Variants in LRP1B observed in about 807,000 individuals in gnomAD.
The protein encoded by LRP1B is low-density lipoprotein receptor-related protein 1B.
In LRP1B, 217 loss-of-function variants were observed where a neutral mutation model predicts 556.6. The observed-to-expected ratio is 0.39, with a 90% CI of 0.35 to 0.44. The LOEUF is 0.44. Ranked by LOEUF, LRP1B falls within the 20% of genes least tolerant of loss-of-function variation. The pLI is 1.00. For synonymous variants in LRP1B, 2,047 were observed against 1,865.8 expected (o/e 1.10, Z -2.50); for missense variants, 5,053 against 5,620.8 (o/e 0.90, Z 3.23).
intron 1 of LRP1B, among the ~76,000 whole-genome samples, chr2:141,972,750 T>C (rs1295222611): frequency 6.6e-6 from 1 of 151,678 alleles, no homozygotes; most frequent in Non-Finnish European, 1.5e-5. Context: ...TAATAGGAAA[T>C]TGAATCCTAG....
chr2:141,119,569 C>G (rs1282946882), intron 7 of LRP1B, among the ~76,000 whole-genome samples: 1 of 151,750 alleles, frequency 6.6e-6, no homozygotes, highest in Non-Finnish European at 1.5e-5. Context: ...CTATCATGGT[C>G]TCAAGATTAC....
chr2:140,992,690 T>C (rs1225779791), intron 16 of LRP1B: 3 of 152,088 alleles, frequency 2.0e-5, no homozygotes, highest in Non-Finnish European at 4.4e-5. Flanking sequence ...CAGTTCTGAT[T>C]GTGAGTCAAG....
At chr2:141,346,557 T>A (rs1157945768) in intron 3 of LRP1B, among the ~76,000 whole-genome samples, 1 of 152,114 alleles carries the variant, frequency 6.6e-6, no homozygotes, top group African/African-American at 2.4e-5. Context: ...TGTCTTACTC[T>A]CCCTGTTTCA....
At chr2:141,568,474 C>A (rs1686413241) in intron 2 of LRP1B, among the ~76,000 whole-genome samples, 1 of 150,948 alleles carries the variant, frequency 6.6e-6, no homozygotes, top group South Asian at 2.1e-4. Context: ...GCCACAAAGA[C>A]AACCACCCAA....
At chr2:142,055,156 C>T (rs1704620598) in intron 1 of LRP1B, among the ~76,000 whole-genome samples, 1 of 151,724 alleles carries the variant, frequency 6.6e-6, no homozygotes, top group African/African-American at 2.4e-5. Context: ...GGTCTAGAGG[C>T]AAACAGAGGA....
chr2:140,711,554 T>C (rs1384021589), intron 37 of LRP1B, among the ~76,000 whole-genome samples: 1 of 149,838 alleles, frequency 6.7e-6, no homozygotes, highest in Non-Finnish European at 1.5e-5. Flanking sequence ...TGGTACATGT[T>C]TTCTTTTTCT....
intron 1 of LRP1B, among the ~76,000 whole-genome samples, chr2:141,888,519 A>C (rs1287480796): frequency 6.6e-6 from 1 of 152,180 alleles, no homozygotes; most frequent in Non-Finnish European, 1.5e-5. Flanking sequence ...TCTGTTTCTG[A>C]GAAGATGTAA....
intron 2 of LRP1B, among the ~76,000 whole-genome samples, chr2:141,716,453 TC>T (rs1692591049): frequency 6.6e-6 from 1 of 152,176 alleles, no homozygotes; most frequent in African/African-American, 2.4e-5. Context: ...GAGGAATGAC[TC>T]TTTTTTTAGT....
At chr2:141,819,209 G>A (rs1045873876) in intron 1 of LRP1B, among the ~76,000 whole-genome samples, 1 of 151,734 alleles carries the variant, frequency 6.6e-6, no homozygotes, top group Non-Finnish European at 1.5e-5. Flanking sequence ...TTGTACTCCA[G>A]CCTAGGCACA....
chr2:140,775,768 C>T (rs561424239), intron 33 of LRP1B, among the ~76,000 whole-genome samples: 3 of 152,230 alleles, frequency 2.0e-5, no homozygotes, highest in Non-Finnish European at 4.4e-5. Flanking sequence ...TCCCCTAGTT[C>T]ATTCAGATTC....
chr2:140,635,287 A>G (rs1176027893), intron 41 of LRP1B, among the ~76,000 whole-genome samples: 1 of 152,072 alleles, frequency 6.6e-6, no homozygotes, highest in Non-Finnish European at 1.5e-5. Flanking sequence ...AATGCATGGC[A>G]TATGATAAAC....
chr2:141,277,142 T>C (rs1685330790), intron 3 of LRP1B, among the ~76,000 whole-genome samples: 1 of 152,154 alleles, frequency 6.6e-6, no homozygotes, highest in African/African-American at 2.4e-5. Context: ...TATTTTCCTT[T>C]GGGTGTATAT....
intron 15 of LRP1B, among the ~76,000 whole-genome samples, chr2:140,999,268 C>A (rs999547090): frequency 1.3e-5 from 2 of 151,992 alleles, no homozygotes; most frequent in African/African-American, 2.4e-5. Context: ...TTTTTAACAG[C>A]CAAATGCAAC....
chr2:141,644,908 A>G (rs1489915177), intron 2 of LRP1B, among the ~76,000 whole-genome samples: 2 of 152,110 alleles, frequency 1.3e-5, no homozygotes, highest in Non-Finnish European at 2.9e-5. Context: ...TAGCAATAGT[A>G]TTAATTATAA....
intron 7 of LRP1B, among the ~76,000 whole-genome samples, chr2:141,136,890 T>C (rs1214983313): frequency 6.6e-6 from 1 of 151,774 alleles, no homozygotes; most frequent in African/African-American, 2.4e-5. Context: ...AACCTATGAG[T>C]TAAAAGAAAG....
In LRP1B at chr2:140,234,762, AAATAACG is replaced by A. The variant is rs1680620425; in HGVS notation, c.13659+17_13659+23del. 1.3e-6 allele frequency: 1 copy of A among 770,716 alleles called. No individual in the cohort carries two copies. Among genetic ancestry groups the A allele is most frequent in the Admixed American group, 1.7e-5 (1 of 57,786 alleles). The allele number at this position is 770,716 out of a possible 1,614,324, so 47.7% of individuals were successfully genotyped here. ...AGGGTTCTGTGATGAAACGGACATG[AAATAACG>A]AATATTCTTCTCTCACCCCAGCAGT... On this transcript the variant is annotated intron_variant, in intron 90 of 90. Transcript: ENST00000389484.
intron 1 of LRP1B, among the ~76,000 whole-genome samples, chr2:142,046,516 T>C (rs1283666113): frequency 6.6e-6 from 1 of 151,918 alleles, no homozygotes; most frequent in African/African-American, 2.4e-5. Context: ...CCACAGTAAA[T>C]GAAACTAAGT....
At chr2:140,449,234 C>T (rs1009601403) in intron 63 of LRP1B, among the ~76,000 whole-genome samples, 2 of 151,968 alleles carry the variant, frequency 1.3e-5, no homozygotes, top group Non-Finnish European at 2.9e-5. Flanking sequence ...TTGTTTATTT[C>T]TAAGAATTAC....
chr2:141,417,968 C>T (rs1679978863), intron 3 of LRP1B, among the ~76,000 whole-genome samples: 1 of 152,000 alleles, frequency 6.6e-6, no homozygotes, highest in Admixed American at 6.6e-5. Flanking sequence ...TTTGTATTTT[C>T]TTGATGATGA....
Sources: allele counts gnomAD v4.1 joint callset (sites outside exome capture counted in the v4.1 genomes callset), GRCh38; gene constraint gnomAD v4.1.1; transcripts MANE v1.5; gene names NCBI Gene and HGNC (gene_info 2026-07-23, HGNC 2026-07-21).